Variants in CACNA1S observed in about 807,000 individuals in gnomAD.
CACNA1S encodes the protein voltage-dependent L-type calcium channel subunit alpha-1S.
CACNA1S carries 126 observed loss-of-function variants against 207.4 expected under a neutral mutation model. The observed-to-expected ratio is 0.61, with a 90% confidence interval of 0.53 to 0.70. The LOEUF is 0.70. Among genes scored for constraint, CACNA1S ranks in the 30% least tolerant of loss-of-function variants. The pLI is 0.00. For synonymous variants in CACNA1S, 960 were observed against 932.7 expected (o/e 1.03, Z -0.53); for missense variants, 2,349 against 2,422.8 (o/e 0.97, Z 0.64).
Position 201,076,992 on chromosome 1 carries a change from A to G in CACNA1S, c.1755T>C (p.Tyr585=). ...LLGMQLFGGR[Y]DFEDTEVRRS... is the part of the protein sequence containing the mutation. ...GCCGTACTTCTGTGTCTTCAAAGTCATACCTCCCCCCAAAGAGCTGCATGC... is the reference window on the plus strand; with the variant it reads ...GCCGTACTTCTGTGTCTTCAAAGTCGTACCTCCCCCCAAAGAGCTGCATGC... The change falls in exon 12 of 44, where the codon TAT becomes TAC. Residue 585 remains tyrosine, a synonymous_variant. Transcript: ENST00000362061. 1 of 1,614,246 alleles carries G rather than the reference A, an allele frequency of 6.2e-7. No individual in the cohort carries two copies. Among genetic ancestry groups the G allele is most frequent in the Non-Finnish European group, 8.5e-7 (1 of 1,180,044 alleles).
At chr1:201,041,685 C>T (rs1472093533) in intron 40 of CACNA1S, 96 bp from the exon 41 acceptor site, 1 of 895,286 alleles carries the variant, frequency 1.1e-6, no homozygotes, top group Non-Finnish European at 1.8e-6. Context: ...CCCTCAGAGC[C>T]TGTACAAGGC....
At chr1:201,104,576 T>G (rs551659942) in intron 2 of CACNA1S, among the ~76,000 whole-genome samples, 1 of 152,334 alleles carries the variant, frequency 6.6e-6, no homozygotes, top group East Asian at 1.9e-4. Flanking sequence ...CTGCTCTAAT[T>G]CCCTTTAACT....
chr1:201,074,570 C>A lies in CACNA1S; in HGVS notation c.1999G>T (p.Ala667Ser). The change falls in exon 14 of 44, where the codon GCG becomes TCG. Residue 667 changes from alanine (A) to serine (S), a missense_variant. Ala to Ser is a moderately conservative substitution (Grantham distance 99). Transcript: ENST00000362061. ...TTCTGGGCAGAAGTCAGGCTCTCCG[C>A]CTCGGCCAGGTTGTCCACGGCAATG... is the stretch of plus-strand genomic sequence containing the variant. Reference protein sequence around the residue: ...LAIAVDNLAEAESLTSAQKAK... With the variant: ...LAIAVDNLAESESLTSAQKAK... 1 of 1,614,098 alleles carries A rather than the reference C, an allele frequency of 6.2e-7. No homozygotes were observed. The highest frequency in any genetic ancestry group is 1.1e-5 in the South Asian group (1 of 91,036).
In CACNA1S at chr1:201,054,544, G is replaced by C; in HGVS notation, c.3627C>G (p.Ser1209Arg). 1.2e-6 allele frequency: 2 copies of C among 1,613,754 alleles called. No individual in the cohort carries two copies. The highest frequency in any genetic ancestry group is 8.5e-7 in the Non-Finnish European group (1 of 1,179,848). ...CTCCACCCAGGCAATACAGTCCCCC[G>C]CTGGAGGCCAGGAAAGTCTGTGGAG... is the stretch of plus-strand genomic sequence containing the variant. ...LSEIDTFLAS[S>R]GGLYCLGGGC... Residue 1209 changes from serine to arginine, a missense_variant, in exon 29 of 44, where the codon AGC (serine) becomes AGG (arginine). By Grantham distance (110) the Ser-to-Arg change is moderately radical. Coordinates refer to ENST00000362061, the MANE Select transcript of CACNA1S (RefSeq NM_000069.3).
chr1:201,048,239 C>T (rs952688613), intron 36 of CACNA1S, among the ~76,000 whole-genome samples: 2 of 152,186 alleles, frequency 1.3e-5, no homozygotes, highest in African/African-American at 2.4e-5. Context: ...TGTGGACTCC[C>T]GTCAGCCTGC....
rs1218931598 is a variant in CACNA1S at position 201,091,965 on chromosome 1, C to T, written c.541+7G>A. ...AGAAAGGGGTCTGCAGGGACACTGC[C>T]ACCCACTAGGCACCCCCGACACCAG... On this transcript the variant is annotated splice_region_variant and intron_variant, in intron 4 of 43. Coordinates refer to ENST00000362061, the MANE Select transcript of CACNA1S (RefSeq NM_000069.3). The T allele has an allele frequency of 6.8e-6, 11 of 1,613,928 alleles. No individual in the cohort carries two copies. Among genetic ancestry groups the T allele is most frequent in the South Asian group, 2.2e-5 (2 of 91,082 alleles).
rs752376533 is a variant in CACNA1S at position 201,044,322 on chromosome 1, C to T, written c.4797+6G>A. Reference sequence around the variant, plus strand: ...ACCACTAGGGGTGCTCCTGGCTCTCCCTCACCCGGAATATTCCCTCCTCCA... The same window carrying T: ...ACCACTAGGGGTGCTCCTGGCTCTCTCTCACCCGGAATATTCCCTCCTCCA... On this transcript the variant is annotated splice_donor_region_variant and intron_variant, in intron 39 of 43. Coordinates refer to ENST00000362061, the MANE Select transcript of CACNA1S (RefSeq NM_000069.3). The T allele has an allele frequency of 6.2e-7, 1 of 1,613,272 alleles. No individual in the cohort carries two copies. The highest frequency in any genetic ancestry group is 8.5e-7 in the Non-Finnish European group (1 of 1,179,546).
At chr1:201,041,820 C>A in intron 40 of CACNA1S, 1 of 598,124 alleles carries the variant, frequency 1.7e-6, no homozygotes. Flanking sequence ...TCAGTTGCTC[C>A]CTCTACCCTT....
intron 12 of CACNA1S, among the ~76,000 whole-genome samples, chr1:201,076,307 C>T (rs565737707): frequency 2.6e-5 from 4 of 152,312 alleles, no homozygotes; most frequent in East Asian, 3.9e-4. Context: ...AAGAGAGGAT[C>T]GACGGACGAT....
intron 10 of CACNA1S, among the ~76,000 whole-genome samples, chr1:201,079,245 C>A (rs970996190): frequency 4.0e-5 from 6 of 151,880 alleles, no homozygotes; most frequent in Non-Finnish European, 5.9e-5. Flanking sequence ...ACTTCTTCAC[C>A]CCCTGCCCTG....
chr1:201,111,352 G>C (rs58864505), intron 1 of CACNA1S, among the ~76,000 whole-genome samples: 11,572 of 151,450 alleles, frequency 0.076, 1,375 homozygotes, highest in African/African-American at 0.25. Flanking sequence ...CCCCACCCTC[G>C]CTCTCAGAAC....
chr1:201,075,722 C>T lies in CACNA1S; in HGVS notation c.1828-107G>A, dbSNP rs896335045. 20 of 1,264,604 alleles carry T rather than the reference C, an allele frequency of 1.6e-5. No homozygotes were observed. In the Admixed American group the frequency reaches 2.2e-4, roughly 14 times the overall value. 78.3% of individuals were successfully genotyped at this position (1,264,604 alleles called of 1,614,324 possible). A position where few individuals can be genotyped will look rare whatever the true frequency, so the allele number is the denominator to read the frequency against. ...CCTCCAACTCTGTGGTTCTCTCAGACCTTCCCTCTTTTCATTCCACAGTCT... is the reference window on the plus strand; with the variant it reads ...CCTCCAACTCTGTGGTTCTCTCAGATCTTCCCTCTTTTCATTCCACAGTCT... On this transcript the variant is annotated intron_variant, in intron 12 of 43. Coordinates refer to ENST00000362061, the MANE Select transcript of CACNA1S (RefSeq NM_000069.3).
chr1:201,079,880 G>T (rs1661781217), intron 10 of CACNA1S, among the ~76,000 whole-genome samples: 1 of 152,142 alleles, frequency 6.6e-6, no homozygotes, highest in Admixed American at 6.5e-5. Flanking sequence ...CCCAACAAAA[G>T]CTTTGGACTG....
rs1030439596 is a variant in CACNA1S at position 201,039,709 on chromosome 1, A to G, written c.*122T>C. The G allele has an allele frequency of 7.3e-6, 10 of 1,367,312 alleles. No individual in the cohort carries two copies. In the Admixed American group the frequency reaches 1.2e-4, roughly 17 times the overall value. The allele number at this position is 1,367,312 out of a possible 1,614,324, so 84.7% of individuals were successfully genotyped here. A position where few individuals can be genotyped will look rare whatever the true frequency, so the allele number is the denominator to read the frequency against. On this transcript the variant is annotated 3_prime_UTR_variant, in exon 44 of 44. Coordinates refer to ENST00000362061, the MANE Select transcript of CACNA1S (RefSeq NM_000069.3). ...GTTCCTGACCACCCTGCCTCAGGCC[A>G]TGCATCTAGCTGCTGAGAGGGAGGG... is the stretch of plus-strand genomic sequence containing the variant.
intron 8 of CACNA1S, 149 bp downstream of exon 8, chr1:201,085,287 T>C (rs552615081): frequency 2.4e-5 from 26 of 1,082,998 alleles, no homozygotes; most frequent in Non-Finnish European, 3.5e-5. Context: ...ACCTGGATCT[T>C]ACCATTTTGA....
In CACNA1S at chr1:201,109,590, G is replaced by A. The variant is rs111324866; in HGVS notation, c.258+574C>T. Among the ~76,000 whole-genome samples the A allele has an allele frequency of 5.2e-3, 792 of 152,290 alleles. 3 individuals carry two copies. Among genetic ancestry groups the A allele is most frequent in the African/African-American group, 0.018 (763 of 41,546 alleles). On this transcript the variant is annotated intron_variant, in intron 2 of 43. Coordinates refer to ENST00000362061, the MANE Select transcript of CACNA1S (RefSeq NM_000069.3). ...ACAGAATGAGGTGGGGAGGAGGTAG[G>A]ACAGCTTAATTTTTGAATATTCCTT...
chr1:201,069,541 G>T lies in CACNA1S; in HGVS notation c.2421C>A (p.Leu807=). 1 of 1,582,992 alleles carries T rather than the reference G, an allele frequency of 6.3e-7. No individual in the cohort carries two copies. The highest frequency in any genetic ancestry group is 1.2e-5 in the South Asian group (1 of 86,146). Residue 807 remains leucine, a synonymous_variant, in exon 18 of 44, where the codon CTC becomes CTA. Coordinates refer to ENST00000362061, the MANE Select transcript of CACNA1S (RefSeq NM_000069.3). The stretch of plus-strand genomic sequence containing the variant: ...GTGCAGCGCTGCTGAGCAGGATGAA[G>T]AGCAGGATGAAGTTGGTAAACCAGG... ...NATWFTNFIL[L]FILLSSAALA... is the part of the protein sequence containing the mutation.
At chr1:201,097,211 C>T (rs1208785942) in intron 2 of CACNA1S, among the ~76,000 whole-genome samples, 1 of 152,202 alleles carries the variant, frequency 6.6e-6, no homozygotes, top group African/African-American at 2.4e-5. Context: ...CCGCCACCCA[C>T]GTCTCCTCCC....
Position 201,066,190 on chromosome 1 carries a change from C to G in CACNA1S, c.2745+39G>C, listed in dbSNP as rs1405110611. ...AGCGAGGAGGCCCCTGTAACCCCTC[C>G]CATTCCTCTCTGGGGCTCCTGCCCG... On this transcript the variant is annotated intron_variant, in intron 21 of 43. Transcript: ENST00000362061. The surrounding 1 kb of genome is among the most constrained non-coding windows in gnomAD (Gnocchi z 4.3). 1.3e-6 allele frequency: 2 copies of G among 1,586,752 alleles called. No individual in the cohort carries two copies. Among genetic ancestry groups the G allele is most frequent in the Non-Finnish European group, 1.7e-6 (2 of 1,155,302 alleles).
Sources: allele counts gnomAD v4.1 joint callset (sites outside exome capture counted in the v4.1 genomes callset), GRCh38; gene constraint gnomAD v4.1.1; non-coding constraint Gnocchi (gnomAD v3.1); transcripts MANE v1.5; gene names NCBI Gene and HGNC (gene_info 2026-07-23, HGNC 2026-07-21).